Variants in ZEB1 observed in about 807,000 individuals in gnomAD.
ZEB1 encodes the protein zinc finger E-box binding homeobox 1, also known as zinc finger E-box-binding homeobox 1.
Under a neutral mutation model 84.9 loss-of-function variants are expected in ZEB1, and 21 were observed. The ratio of observed to expected loss-of-function variants is 0.25; its 90% CI spans 0.18 to 0.36. ZEB1 has a LOEUF of 0.36. Ranked by LOEUF, ZEB1 falls within the 10% of genes least tolerant of loss-of-function variation. The pLI, the probability that ZEB1 is intolerant of heterozygous loss-of-function variation, is 1.00. For synonymous variants in ZEB1, 420 were observed against 471.1 expected (o/e 0.89, Z 1.41); for missense variants, 1,104 against 1,330.2 (o/e 0.83, Z 2.65).
intron 1 of ZEB1, among the ~76,000 whole-genome samples, chr10:31,368,144 C>T (rs890328413): frequency 6.6e-6 from 1 of 151,938 alleles, no homozygotes; most frequent in Non-Finnish European, 1.5e-5. Flanking sequence ...CATATCCTCT[C>T]ATGTACTTTA....
chr10:31,351,202 T>C (rs2041260609), intron 1 of ZEB1, among the ~76,000 whole-genome samples: 1 of 152,314 alleles, frequency 6.6e-6, no homozygotes, highest in South Asian at 2.1e-4. Flanking sequence ...AAAAGAAATA[T>C]AGTAGTTGTA....
rs1342448777 is a variant in ZEB1 at position 31,364,585 on chromosome 10, C to G, written c.58+45293C>G. The stretch of plus-strand genomic sequence containing the variant: ...CCATGGCTGCCGTGGCCTCAAGGGC[C>G]ACCAGCCTTGCTCCGCAGGTTTCCA... On this transcript the variant is annotated intron_variant, in intron 1 of 8. Coordinates refer to ENST00000424869, the MANE Select transcript of ZEB1 (RefSeq NM_001174096.2). 6.6e-5 allele frequency among the ~76,000 whole-genome samples: 10 copies of G among 152,218 alleles called. No homozygotes were observed. The East Asian group carries it at 1.9e-3, about 29-fold the overall frequency.
chr10:31,361,221 T>TC, intron 1 of ZEB1: 1 of 1,610,716 alleles, frequency 6.2e-7, no homozygotes. Flanking sequence ...CAGGACGCAG[T>TC]CTTGCTCTGT....
intron 1 of ZEB1, among the ~76,000 whole-genome samples, chr10:31,426,097 A>G (rs896164001): frequency 3.9e-5 from 6 of 152,148 alleles, no homozygotes; most frequent in African/African-American, 7.2e-5. Flanking sequence ...TAAGCTTCCT[A>G]TATCTTTTCC....
intron 6 of ZEB1, among the ~76,000 whole-genome samples, chr10:31,518,911 TCA>T (rs751865878): frequency 1.3e-5 from 2 of 152,168 alleles, no homozygotes; most frequent in Admixed American, 1.3e-4. Context: ...AAAATATAAC[TCA>T]CATGTTTAAA....
chr10:31,423,258 A>G (rs2056463762), intron 1 of ZEB1, among the ~76,000 whole-genome samples: 2 of 152,200 alleles, frequency 1.3e-5, no homozygotes, highest in African/African-American at 2.4e-5. Flanking sequence ...ACCATTTTCT[A>G]TTATACTCAC....
intron 3 of ZEB1, among the ~76,000 whole-genome samples, chr10:31,497,366 A>G (rs532162974): frequency 2.4e-4 from 37 of 152,230 alleles, no homozygotes; most frequent in African/African-American, 6.5e-4. Flanking sequence ...TAGTATGTAA[A>G]TTTCCTCAAA....
chr10:31,426,894 C>A (rs891040350), intron 1 of ZEB1, among the ~76,000 whole-genome samples: 1 of 152,030 alleles, frequency 6.6e-6, no homozygotes, highest in Non-Finnish European at 1.5e-5. Context: ...TGTTGTTTTT[C>A]TGTATAACTG....
chr10:31,470,467 T>A (rs1199557506), intron 2 of ZEB1, among the ~76,000 whole-genome samples: 4 of 150,674 alleles, frequency 2.7e-5, no homozygotes, highest in African/African-American at 9.8e-5. Context: ...GTATCAGCGA[T>A]GGAAGATGAA....
chr10:31,339,815 T>C (rs2038999455), intron 1 of ZEB1, among the ~76,000 whole-genome samples: 2 of 151,946 alleles, frequency 1.3e-5, no homozygotes. Context: ...AGTTTATAGC[T>C]GTGACCATCA....
chr10:31,504,811 C>A (rs1206135856), intron 4 of ZEB1, among the ~76,000 whole-genome samples: 1 of 151,934 alleles, frequency 6.6e-6, no homozygotes, highest in East Asian at 1.9e-4. Flanking sequence ...TTGTATCCTG[C>A]AACTTTCAGT....
intron 2 of ZEB1, among the ~76,000 whole-genome samples, chr10:31,489,577 A>T (rs1191096767): frequency 1.3e-5 from 2 of 150,808 alleles, no homozygotes; most frequent in Non-Finnish European, 1.5e-5. Context: ...CTTGTTTTGG[A>T]TCATTTGAAT....
At chr10:31,403,326 A>G (rs1423897918) in intron 1 of ZEB1, among the ~76,000 whole-genome samples, 1 of 151,962 alleles carries the variant, frequency 6.6e-6, no homozygotes, top group Non-Finnish European at 1.5e-5. Flanking sequence ...GGTAATAGTT[A>G]TTGTTGCAGT....
At chr10:31,357,772 A>G (rs1224754434) in intron 1 of ZEB1, among the ~76,000 whole-genome samples, 1 of 152,200 alleles carries the variant, frequency 6.6e-6, no homozygotes, top group African/African-American at 2.4e-5. Flanking sequence ...GTTAGCTCAC[A>G]TAAGAAAATA....
intron 2 of ZEB1, among the ~76,000 whole-genome samples, chr10:31,472,827 G>A (rs1269955578): frequency 5.9e-5 from 8 of 136,732 alleles, no homozygotes; most frequent in African/African-American, 1.7e-4. Flanking sequence ...CTGGCAAACC[G>A]AATCCAGCAG....
chr10:31,482,772 C>A (rs1288965803), intron 2 of ZEB1, among the ~76,000 whole-genome samples: 1 of 151,630 alleles, frequency 6.6e-6, no homozygotes, highest in Non-Finnish European at 1.5e-5. Context: ...TTGGAATTTT[C>A]AAAAATATTT....
intron 1 of ZEB1, among the ~76,000 whole-genome samples, chr10:31,429,255 TGTG>T (rs1564824771): frequency 6.6e-6 from 1 of 152,178 alleles, no homozygotes; most frequent in African/African-American, 2.4e-5. Context: ...GTAAGGCAGA[TGTG>T]GTGGTAACAA....
intron 1 of ZEB1, among the ~76,000 whole-genome samples, chr10:31,373,480 A>G (rs1288205297): frequency 1.3e-5 from 2 of 151,890 alleles, no homozygotes; most frequent in Non-Finnish European, 2.9e-5. Flanking sequence ...ATAGTATATT[A>G]TAAAATTGCT....
intron 1 of ZEB1, among the ~76,000 whole-genome samples, chr10:31,415,697 A>G (rs868685150): frequency 2.0e-5 from 3 of 152,244 alleles, no homozygotes; most frequent in Admixed American, 2.0e-4. Flanking sequence ...TATAAAGGGA[A>G]AACTTCATTT....
Sources: gnomAD v4.1 joint callset for allele counts (sites outside exome capture counted in the v4.1 genomes callset) on GRCh38, gnomAD v4.1.1 for gene constraint, MANE v1.5 for transcripts, NCBI Gene and HGNC (gene_info 2026-07-23, HGNC 2026-07-21) for gene names.